CCDC149: variants seen among roughly 807,000 people sequenced by gnomAD.
CCDC149 encodes the protein coiled-coil domain-containing protein 149.
CCDC149 carries 45 observed loss-of-function variants against 59.9 expected under a neutral mutation model. That is an observed-to-expected ratio of 0.75 (90% CI 0.59 to 0.96). The LOEUF (loss-of-function observed/expected upper bound fraction) is 0.96, where lower values mean the gene tolerates loss of function less well. CCDC149 is among the 40% of genes least tolerant of loss of function. CCDC149 has a pLI of 0.00. For synonymous variants in CCDC149, 245 were observed against 260.6 expected (o/e 0.94, Z 0.58); for missense variants, 584 against 664.7 (o/e 0.88, Z 1.33).
chr4:24,947,887 T>C (rs1001962504), intron 1 of CCDC149, among the ~76,000 whole-genome samples: 3 of 152,152 alleles, frequency 2.0e-5, no homozygotes, highest in Non-Finnish European at 2.9e-5. Context: ...ATCCGCAATA[T>C]GGCCAAATAA....
chr4:24,882,832 C>A (rs146368091), intron 1 of CCDC149, among the ~76,000 whole-genome samples: 52 of 152,292 alleles, frequency 3.4e-4, no homozygotes, highest in African/African-American at 4.8e-4. Context: ...TGGAAACTCA[C>A]CCTTACAAAT....
chr4:24,938,932 G>A (rs1383081415), intron 1 of CCDC149, among the ~76,000 whole-genome samples: 1 of 152,228 alleles, frequency 6.6e-6, no homozygotes, highest in Non-Finnish European at 1.5e-5. Flanking sequence ...ACAGCTCAAG[G>A]AGGACTGCCT....
intron 1 of CCDC149, among the ~76,000 whole-genome samples, chr4:24,886,912 G>T (rs1001567935): frequency 7.2e-5 from 11 of 152,000 alleles, no homozygotes; most frequent in Non-Finnish European, 1.5e-4. Flanking sequence ...AATATGCCTA[G>T]TTTTGGGTGT....
intron 12 of CCDC149, among the ~76,000 whole-genome samples, chr4:24,814,576 C>G (rs1402004086): frequency 6.6e-6 from 1 of 152,156 alleles, no homozygotes; most frequent in Non-Finnish European, 1.5e-5. Flanking sequence ...GGGTCTCAGG[C>G]CCTACTCCAG....
chr4:24,902,680 G>A (rs1721235967), intron 1 of CCDC149, among the ~76,000 whole-genome samples: 1 of 152,140 alleles, frequency 6.6e-6, no homozygotes, highest in Non-Finnish European at 1.5e-5. Context: ...AAGATCTATT[G>A]TTCGCTATTG....
At chr4:24,862,286 G>A (rs1032385388) in intron 3 of CCDC149, among the ~76,000 whole-genome samples, 1 of 152,162 alleles carries the variant, frequency 6.6e-6, no homozygotes, top group Non-Finnish European at 1.5e-5. Context: ...TCCGTGGAGG[G>A]CCATAAAAAC....
intron 4 of CCDC149, among the ~76,000 whole-genome samples, chr4:24,841,732 C>G (rs1454645620): frequency 6.6e-6 from 1 of 152,238 alleles, no homozygotes; most frequent in Non-Finnish European, 1.5e-5. Context: ...GTGAGCTGTG[C>G]AACCTCAGGA....
chr4:24,861,294 C>T (rs1379839493), intron 3 of CCDC149, among the ~76,000 whole-genome samples: 2 of 151,524 alleles, frequency 1.3e-5, no homozygotes, highest in African/African-American at 4.9e-5. Context: ...CCATGGAGTA[C>T]TGCTCAGCCA....
In CCDC149 at chr4:24,897,205, AAG is replaced by A. The variant is rs75882414; in HGVS notation, c.63+15610_63+15611del. On this transcript the variant is annotated intron_variant, in intron 1 of 12. Coordinates refer to ENST00000635206, the MANE Select transcript of CCDC149 (RefSeq NM_001330643.2). ...CCTTGAGAGAGAAGTAAGAAAAAGG[AAG>A]AGAACAAGAGTTCCAGGCAGAAGGC... Among the ~76,000 whole-genome samples the A allele has an allele frequency of 8.7e-4, 133 of 152,284 alleles. No individual in the cohort carries two copies. In the East Asian group the frequency reaches 0.011, roughly 13 times the overall value.
At chr4:24,850,701 GTT>G (rs1717603349) in intron 4 of CCDC149, among the ~76,000 whole-genome samples, 1 of 152,160 alleles carries the variant, frequency 6.6e-6, no homozygotes, top group Non-Finnish European at 1.5e-5. Flanking sequence ...TGATGGAAGA[GTT>G]GGAGTAGAAA....
chr4:24,974,169 G>A (rs762117342), intron 1 of CCDC149, among the ~76,000 whole-genome samples: 2 of 152,230 alleles, frequency 1.3e-5, no homozygotes, highest in Non-Finnish European at 2.9e-5. Context: ...TCCCCAGGGC[G>A]GAAGGTGACC....
chr4:24,887,807 TAA>T (rs35092333), intron 1 of CCDC149, among the ~76,000 whole-genome samples: 1 of 147,724 alleles, frequency 6.8e-6, no homozygotes, highest in African/African-American at 2.5e-5. Flanking sequence ...CACTCTTCTT[TAA>T]AAAAAAAAAA....
intron 1 of CCDC149, among the ~76,000 whole-genome samples, chr4:24,883,232 G>A (rs527314117): frequency 4.8e-4 from 73 of 150,944 alleles, no homozygotes; most frequent in African/African-American, 1.8e-3. Flanking sequence ...GTACAGAACA[G>A]AGCAGAAAAT....
intron 1 of CCDC149, among the ~76,000 whole-genome samples, chr4:24,943,135 T>G (rs1722997421): frequency 6.6e-6 from 1 of 152,154 alleles, no homozygotes; most frequent in South Asian, 2.1e-4. Flanking sequence ...TCACGATACC[T>G]GACTTCAAAC....
At chr4:24,931,271 G>A (rs1298412768) in intron 1 of CCDC149, among the ~76,000 whole-genome samples, 1 of 144,314 alleles carries the variant, frequency 6.9e-6, no homozygotes, top group East Asian at 2.0e-4. Flanking sequence ...ATGTATCTGT[G>A]TATGTATATG....
Position 24,834,963 on chromosome 4 carries a change from G to A in CCDC149, c.805C>T (p.Leu269=), listed in dbSNP as rs147538186. Reference sequence around the variant, plus strand: ...GATATCCTACCTTGCTTTGCAGACAGGACTCCTGTCAGAGCACTGCTGCTG... The same window carrying A: ...GATATCCTACCTTGCTTTGCAGACAAGACTCCTGTCAGAGCACTGCTGCTG... The change falls in exon 8 of 13, where the codon CTG becomes TTG. Residue 269 remains leucine, a synonymous_variant. Coordinates refer to ENST00000635206, the MANE Select transcript of CCDC149 (RefSeq NM_001330643.2). 35 of 1,613,446 alleles carry A rather than the reference G, an allele frequency of 2.2e-5. No individual in the cohort carries two copies. The highest frequency in any genetic ancestry group is 2.8e-5 in the Non-Finnish European group (33 of 1,179,612).
chr4:24,971,903 T>C (rs776590809), intron 1 of CCDC149, among the ~76,000 whole-genome samples: 3 of 152,218 alleles, frequency 2.0e-5, no homozygotes, highest in Non-Finnish European at 4.4e-5. Context: ...CCCCTTATCA[T>C]AATCCAGACA....
At position 24,831,583 on chromosome 4, in the gene CCDC149, C is replaced by T; in HGVS notation, c.888G>A (p.Leu296=). 1 of 1,614,092 alleles carries T rather than the reference C, an allele frequency of 6.2e-7. No homozygotes were observed. Among genetic ancestry groups the T allele is most frequent in the Non-Finnish European group, 8.5e-7 (1 of 1,180,006 alleles). The change falls in exon 9 of 13, where the codon CTG becomes CTA. Residue 296 remains leucine, a synonymous_variant. Transcript: ENST00000635206. ...CCAACAGGGCTGTTGCCAGAGATTT[C>T]AGGTCAGAAATGGACTGCGGAGTAG...
intron 12 of CCDC149, among the ~76,000 whole-genome samples, chr4:24,813,489 A>AATATATCTATATCTATATATATAT (rs1186488610): frequency 5.1e-4 from 58 of 113,720 alleles, no homozygotes; most frequent in African/African-American, 2.1e-3. Context: ...CAGCTTGGGG[A>AATATATCTATATCTATATATATAT]ATATATATAT....
Sources: allele counts gnomAD v4.1 joint callset (sites outside exome capture counted in the v4.1 genomes callset), GRCh38; gene constraint gnomAD v4.1.1; transcripts MANE v1.5; gene names NCBI Gene and HGNC (gene_info 2026-07-23, HGNC 2026-07-21).